SHISA6: variants seen among roughly 807,000 people sequenced by gnomAD.
SHISA6 encodes the protein protein shisa-6.
SHISA6 carries 22 observed loss-of-function variants against 47.9 expected under a neutral mutation model. The ratio of observed to expected loss-of-function variants is 0.46; its 90% CI spans 0.33 to 0.66. The LOEUF (loss-of-function observed/expected upper bound fraction) is 0.66, where lower values mean the gene tolerates loss of function less well. Among genes scored for constraint, SHISA6 ranks in the 30% least tolerant of loss-of-function variants. The probability of loss-of-function intolerance (pLI) is 0.02; values close to 1 mark genes in which losing one functional copy is unlikely to be tolerated. For missense variants in SHISA6, 680 were observed against 764.6 expected, an observed-to-expected ratio of 0.89 and a Z score of 1.30; for synonymous variants, 388 against 337.8, an observed-to-expected ratio of 1.15 and a Z score of -1.63.
Position 11,450,996 on chromosome 17 carries a change from A to T in SHISA6, c.895+71487A>T, listed in dbSNP as rs923284965. Among the ~76,000 whole-genome samples, 458 of 86,652 alleles carry T rather than the reference A, an allele frequency of 5.3e-3. 5 individuals are homozygous for T. Among genetic ancestry groups the T allele is most frequent in the African/African-American group, 0.027 (406 of 15,034 alleles). 56.8% of individuals were successfully genotyped at this position (86,652 alleles called of 152,430 possible). A position where few individuals can be genotyped will look rare whatever the true frequency, so the allele number is the denominator to read the frequency against. ...AGGACAGGAGGGAAAATAGAAAATT[A>T]AAAAAAAAAAAAAAAAACAGATTTG... is the stretch of plus-strand genomic sequence containing the variant. On this transcript the variant is annotated intron_variant, in intron 3 of 5. Transcript: ENST00000441885.
intron 2 of SHISA6, among the ~76,000 whole-genome samples, chr17:11,283,958 C>T (rs1055902169): frequency 2.6e-5 from 4 of 152,132 alleles, no homozygotes; most frequent in Admixed American, 2.6e-4. Context: ...TGTTGTTCCC[C>T]AGTTCCTTTT....
intron 2 of SHISA6, among the ~76,000 whole-genome samples, chr17:11,318,529 A>C (rs903972396): frequency 6.6e-6 from 1 of 152,132 alleles, no homozygotes; most frequent in Non-Finnish European, 1.5e-5. Flanking sequence ...CTGACTGGCT[A>C]CCTGGGCACC....
intron 3 of SHISA6, among the ~76,000 whole-genome samples, chr17:11,391,682 T>C (rs574622355): frequency 6.6e-6 from 1 of 152,282 alleles, no homozygotes; most frequent in South Asian, 2.1e-4. Context: ...GACTCAACCA[T>C]GGCCCCAATC....
chr17:11,283,210 A>G (rs1909181044), intron 2 of SHISA6, among the ~76,000 whole-genome samples: 1 of 152,144 alleles, frequency 6.6e-6, no homozygotes, highest in Admixed American at 6.5e-5. Flanking sequence ...TTTATATAGC[A>G]CTCTTTGAAA....
intron 2 of SHISA6, chr17:11,289,731 A>G (rs1410133917): frequency 6.6e-6 from 1 of 152,052 alleles, no homozygotes; most frequent in Non-Finnish European, 1.5e-5. Context: ...GTTTATTGGC[A>G]TAGAGCTGCA....
At chr17:11,442,035 A>G (rs1915108142) in intron 3 of SHISA6, among the ~76,000 whole-genome samples, 3 of 152,186 alleles carry the variant, frequency 2.0e-5, no homozygotes, top group African/African-American at 7.2e-5. Context: ...CTCTCCTTTT[A>G]GTGGAGCCCT....
intron 3 of SHISA6, among the ~76,000 whole-genome samples, chr17:11,484,589 C>T (rs772390770): frequency 8.6e-5 from 13 of 152,018 alleles, no homozygotes; most frequent in Non-Finnish European, 1.6e-4. Flanking sequence ...TTAGTAAAGA[C>T]GATTTCACCA....
In SHISA6 at chr17:11,402,326, T is replaced by C. The variant is rs1483042449; in HGVS notation, c.895+22817T>C. 3.3e-5 allele frequency among the ~76,000 whole-genome samples: 5 copies of C among 152,192 alleles called. No homozygotes were observed. In the East Asian group the frequency reaches 9.6e-4, roughly 29 times the overall value. The stretch of plus-strand genomic sequence containing the variant: ...TTTAAAGTCCTGGAGAATATCAGGG[T>C]CTCTGTTCCCTTGGCAGTTTGTGTA... On this transcript the variant is annotated intron_variant, in intron 3 of 5. Transcript: ENST00000441885.
intron 2 of SHISA6, among the ~76,000 whole-genome samples, chr17:11,322,551 A>C (rs924723376): frequency 6.6e-6 from 1 of 152,224 alleles, no homozygotes; most frequent in African/African-American, 2.4e-5. Context: ...TGAGATTTAC[A>C]GAAAAGTTGC....
At chr17:11,294,567 C>T (rs1195187471) in intron 2 of SHISA6, among the ~76,000 whole-genome samples, 1 of 152,116 alleles carries the variant, frequency 6.6e-6, no homozygotes, top group African/African-American at 2.4e-5. Context: ...AAAGTTTGTT[C>T]CCAAATGAGA....
intron 3 of SHISA6, among the ~76,000 whole-genome samples, chr17:11,495,299 T>C (rs564166650): frequency 8.7e-4 from 133 of 152,290 alleles, no homozygotes; most frequent in Non-Finnish European, 1.6e-3. Context: ...CTCTGTTTTT[T>C]CCTCTCTCCT....
At chr17:11,344,848 C>A (rs1044867773) in intron 2 of SHISA6, among the ~76,000 whole-genome samples, 1 of 152,052 alleles carries the variant, frequency 6.6e-6, no homozygotes, top group Non-Finnish European at 1.5e-5. Context: ...ATTATATTCA[C>A]CCTGTAGTTC....
intron 2 of SHISA6, among the ~76,000 whole-genome samples, chr17:11,345,446 T>A (rs1193918591): frequency 1.3e-5 from 2 of 152,184 alleles, no homozygotes; most frequent in East Asian, 3.8e-4. Context: ...TTACTTGAAA[T>A]TGTGTTGACT....
At chr17:11,516,835 CT>C (rs1324126206) in intron 3 of SHISA6, among the ~76,000 whole-genome samples, 2 of 152,170 alleles carry the variant, frequency 1.3e-5, no homozygotes, top group East Asian at 3.9e-4. Context: ...TGGTATAATA[CT>C]CATTCCAAAT....
intron 3 of SHISA6, among the ~76,000 whole-genome samples, chr17:11,472,620 C>A (rs1915961333): frequency 6.6e-6 from 1 of 152,220 alleles, no homozygotes; most frequent in Admixed American, 6.5e-5. Flanking sequence ...AAGAATAAGG[C>A]TGCTGTAAAC....
chr17:11,292,236 G>A (rs1240954778), intron 2 of SHISA6, among the ~76,000 whole-genome samples: 1 of 151,854 alleles, frequency 6.6e-6, no homozygotes, highest in Non-Finnish European at 1.5e-5. Context: ...TTAGGTTCTG[G>A]TGGTTAGGGC....
intron 3 of SHISA6, among the ~76,000 whole-genome samples, chr17:11,517,328 A>C (rs1031413852): frequency 3.9e-5 from 6 of 152,224 alleles, no homozygotes; most frequent in African/African-American, 1.4e-4. Flanking sequence ...TTATGTATTC[A>C]TCTTGCACTC....
intron 3 of SHISA6, among the ~76,000 whole-genome samples, chr17:11,418,294 A>G (rs1914345315): frequency 6.6e-6 from 1 of 152,152 alleles, no homozygotes; most frequent in Non-Finnish European, 1.5e-5. Context: ...CACTCCATAC[A>G]GGGTAAGTCA....
At chr17:11,362,112 C>A (rs1159232547) in intron 2 of SHISA6, among the ~76,000 whole-genome samples, 1 of 152,082 alleles carries the variant, frequency 6.6e-6, no homozygotes. Context: ...TTAAGATCTC[C>A]ATTCCTGGGT....
Sources: allele counts gnomAD v4.1 joint callset (sites outside exome capture counted in the v4.1 genomes callset), GRCh38; gene constraint gnomAD v4.1.1; transcripts MANE v1.5; gene names NCBI Gene and HGNC (gene_info 2026-07-23, HGNC 2026-07-21).